SLC12A2: variants seen among roughly 807,000 people sequenced by gnomAD.
SLC12A2 encodes Na-K-2Cl cotransporter 1.
Under a neutral mutation model 136.3 loss-of-function variants are expected in SLC12A2, and 67 were observed. The observed-to-expected ratio is 0.49, with a 90% CI of 0.40 to 0.60. The LOEUF (loss-of-function observed/expected upper bound fraction) is 0.60. Ranked by LOEUF, SLC12A2 falls within the 20% of genes least tolerant of loss-of-function variation. The pLI is 0.00. For synonymous variants in SLC12A2, 619 were observed against 562.9 expected (o/e 1.10, Z -1.41); for missense variants, 1,322 against 1,534.7 (o/e 0.86, Z 2.32).
intron 1 of SLC12A2, among the ~76,000 whole-genome samples, chr5:128,108,012 T>C (rs530149093): frequency 6.6e-6 from 1 of 152,250 alleles, no homozygotes; most frequent in African/African-American, 2.4e-5. Flanking sequence ...TGGTTTTGAT[T>C]TGCATTTCTC....
chr5:128,120,913 C>T lies in SLC12A2; in HGVS notation c.1048+6232C>T, dbSNP rs181045369. ...TAATGTTAACTAATTTGAGATAATG[C>T]CTGTTTATTTATCTTGATTCTTAAC... On this transcript the variant is annotated intron_variant, in intron 4 of 26. Coordinates refer to ENST00000262461, the MANE Select transcript of SLC12A2 (RefSeq NM_001046.3). 3.1e-3 allele frequency among the ~76,000 whole-genome samples: 466 copies of T among 151,540 alleles called. 4 individuals carry two copies. The highest frequency in any genetic ancestry group is 0.011 in the African/African-American group (449 of 41,332).
chr5:128,089,109 A>G (rs1760210070), intron 1 of SLC12A2, among the ~76,000 whole-genome samples: 1 of 151,470 alleles, frequency 6.6e-6, no homozygotes, highest in Non-Finnish European at 1.5e-5. Context: ...TGGAGATTGC[A>G]GTGAGCCAAG....
intron 1 of SLC12A2, among the ~76,000 whole-genome samples, chr5:128,102,127 A>C (rs1254838654): frequency 6.6e-6 from 1 of 152,134 alleles, no homozygotes; most frequent in Admixed American, 6.5e-5. Flanking sequence ...GTAACAGCTA[A>C]AATTTATTGA....
chr5:128,114,866 A>C (rs536708803), intron 4 of SLC12A2, among the ~76,000 whole-genome samples, 185 bp downstream of exon 4: 2 of 152,366 alleles, frequency 1.3e-5, no homozygotes, highest in East Asian at 3.9e-4. Context: ...CAACTCATAC[A>C]CATAAGCTTT....
At chr5:128,177,925 T>C (rs1176203814) in intron 21 of SLC12A2, among the ~76,000 whole-genome samples, 1 of 152,162 alleles carries the variant, frequency 6.6e-6, no homozygotes, top group African/African-American at 2.4e-5. Flanking sequence ...TGGGTGCCCT[T>C]TGAAGGAGCT....
chr5:128,148,070 CTTTG>C (rs1434144423), intron 11 of SLC12A2, among the ~76,000 whole-genome samples: 12 of 151,592 alleles, frequency 7.9e-5, no homozygotes, highest in Admixed American at 7.9e-4. Flanking sequence ...AGTAAAATAT[CTTTG>C]TTCTAGTCAG....
intron 10 of SLC12A2, among the ~76,000 whole-genome samples, chr5:128,143,687 A>G (rs1762438803): frequency 6.6e-6 from 1 of 151,452 alleles, no homozygotes; most frequent in African/African-American, 2.4e-5. Flanking sequence ...GATTAAATCA[A>G]AATATTCTAT....
intron 2 of SLC12A2, 93 bp downstream of exon 2, chr5:128,113,026 T>C (rs1761212404): frequency 4.5e-6 from 5 of 1,108,546 alleles, no homozygotes; most frequent in Non-Finnish European, 6.2e-6. Context: ...GAGAACTCTT[T>C]TTTTCTCTAT....
Position 128,083,942 on chromosome 5 carries a change from G to A in SLC12A2, c.-13G>A. On this transcript the variant is annotated 5_prime_UTR_variant, in exon 1 of 27. Coordinates refer to ENST00000262461, the MANE Select transcript of SLC12A2 (RefSeq NM_001046.3). ...CCGCCGGGCTCTGCAGTTCCGCCGGGGGTCGGGCAGCTATGGAGCCGCGGC... is the reference window on the plus strand; with the variant it reads ...CCGCCGGGCTCTGCAGTTCCGCCGGAGGTCGGGCAGCTATGGAGCCGCGGC... The A allele has an allele frequency of 8.1e-7, 1 of 1,229,682 alleles. No homozygotes were observed. Among genetic ancestry groups the A allele is most frequent in the Non-Finnish European group, 1.0e-6 (1 of 985,632 alleles). 76.2% of individuals were successfully genotyped at this position (1,229,682 alleles called of 1,614,324 possible). A position where few individuals can be genotyped will look rare whatever the true frequency, so the allele number is the denominator to read the frequency against.
chr5:128,146,234 TAAG>T (rs2126717467), intron 10 of SLC12A2, among the ~76,000 whole-genome samples: 2 of 152,014 alleles, frequency 1.3e-5, no homozygotes, highest in Non-Finnish European at 1.5e-5. Context: ...TTATCCTACT[TAAG>T]AAATTAAACA....
chr5:128,104,631 C>CA (rs563906164), intron 1 of SLC12A2, among the ~76,000 whole-genome samples: 1,939 of 137,104 alleles, frequency 0.014, 51 homozygotes, highest in African/African-American at 0.051. Context: ...GACTCCATCT[C>CA]AAAAAAAAGA....
At chr5:128,114,983 C>T (rs1485043307) in intron 4 of SLC12A2, among the ~76,000 whole-genome samples, 1 of 152,206 alleles carries the variant, frequency 6.6e-6, no homozygotes, top group Non-Finnish European at 1.5e-5. Context: ...TTGGATCAGT[C>T]AGCAACATGC....
chr5:128,145,353 A>G (rs1197809533), intron 10 of SLC12A2, among the ~76,000 whole-genome samples: 1 of 152,102 alleles, frequency 6.6e-6, no homozygotes, highest in African/African-American at 2.4e-5. Flanking sequence ...GAGATCATTA[A>G]GACAGATGTA....
In SLC12A2 at chr5:128,180,590, C is replaced by T. The variant is rs569763382; in HGVS notation, c.3101-293C>T. ...TCTAATTTCAGTGTTAAACATGGCT[C>T]CTGCTAAGGTCAATAATTATACTTA... On this transcript the variant is annotated intron_variant, in intron 22 of 26. Coordinates refer to ENST00000262461, the MANE Select transcript of SLC12A2 (RefSeq NM_001046.3). Among the ~76,000 whole-genome samples the T allele has an allele frequency of 3.9e-5, 6 of 152,238 alleles. 1 individual carries two copies. In the South Asian group the frequency reaches 1.2e-3, roughly 32 times the overall value.
At chr5:128,121,955 C>T (rs769719683) in intron 4 of SLC12A2, among the ~76,000 whole-genome samples, 3 of 152,132 alleles carry the variant, frequency 2.0e-5, no homozygotes, top group Non-Finnish European at 2.9e-5. Context: ...TTACACAGAC[C>T]AGAGTTGTCC....
intron 4 of SLC12A2, among the ~76,000 whole-genome samples, chr5:128,125,241 G>C (rs1017144019): frequency 6.6e-6 from 1 of 152,176 alleles, no homozygotes; most frequent in Non-Finnish European, 1.5e-5. Flanking sequence ...CAGCTTTACT[G>C]TTCACCTATG....
intron 24 of SLC12A2, 52 bp from the exon 25 acceptor site, chr5:128,184,314 T>A (rs1763799743): frequency 8.6e-6 from 10 of 1,157,218 alleles, no homozygotes; most frequent in African/African-American, 1.6e-5. Context: ...GATCTTCCTG[T>A]TATGTAACTT....
intron 1 of SLC12A2, among the ~76,000 whole-genome samples, chr5:128,104,962 C>T (rs1362970339): frequency 2.6e-5 from 4 of 151,730 alleles, no homozygotes; most frequent in Non-Finnish European, 5.9e-5. Context: ...GAAATAGATA[C>T]CTAAAAATAG....
At chr5:128,110,240 C>CATCCG in intron 1 of SLC12A2, 1 of 805,560 alleles carries the variant, frequency 1.2e-6, no homozygotes, top group Non-Finnish European at 2.3e-6. Context: ...TTCAAACATC[C>CATCCG]ATCCGACCTT....
Sources: gnomAD v4.1 joint callset for allele counts (sites outside exome capture counted in the v4.1 genomes callset) on GRCh38, gnomAD v4.1.1 for gene constraint, MANE v1.5 for transcripts, NCBI Gene and HGNC (gene_info 2026-07-23, HGNC 2026-07-21) for gene names.